Variants in PLPP3 observed in about 807,000 individuals in gnomAD.
PLPP3 encodes PAP2 beta.
Under a neutral mutation model 29.6 loss-of-function variants are expected in PLPP3, and 6 were observed. That is an observed-to-expected ratio of 0.20 (90% CI 0.11 to 0.40). The LOEUF (loss-of-function observed/expected upper bound fraction) is 0.40, where lower values mean the gene tolerates loss of function less well. Ranked by LOEUF, PLPP3 falls within the 10% of genes least tolerant of loss-of-function variation. PLPP3 has a pLI of 1.00. For synonymous variants in PLPP3, 152 were observed against 159.7 expected (o/e 0.95, Z 0.36); for missense variants, 308 against 407.7 (o/e 0.76, Z 2.11).
chr1:56,519,386 A>T (rs561236184), intron 4 of PLPP3, among the ~76,000 whole-genome samples: 1 of 152,340 alleles, frequency 6.6e-6, no homozygotes, highest in South Asian at 2.1e-4. Flanking sequence ...GGGACAATGT[A>T]TCAGACTATT....
intron 5 of PLPP3, among the ~76,000 whole-genome samples, chr1:56,499,376 C>A (rs921249958): frequency 6.6e-6 from 1 of 152,174 alleles, no homozygotes; most frequent in African/African-American, 2.4e-5. Flanking sequence ...GCTTATCGAC[C>A]TTTCTTCCTA....
chr1:56,529,943 G>A (rs771818152), intron 2 of PLPP3, among the ~76,000 whole-genome samples: 29 of 152,200 alleles, frequency 1.9e-4, no homozygotes, highest in Non-Finnish European at 3.5e-4. Context: ...TGGCTGCCCT[G>A]TGCCCACAAG....
rs961423260 is a variant in PLPP3, at chr1:56,544,766, T to G, written c.140-7654A>C. On this transcript the variant is annotated intron_variant, in intron 1 of 5. Transcript: ENST00000371250. ...TATGTCTATTCACATATTAGCAACC[T>G]AGAAAGTCAGCTACGAAACTCTTGA... Among the ~76,000 whole-genome samples, 12 of 152,158 alleles carry G rather than the reference T, an allele frequency of 7.9e-5. No individual in the cohort carries two copies. The South Asian group carries it at 1.9e-3, about 24-fold the overall frequency.
chr1:56,521,080 C>T (rs1163356529), intron 4 of PLPP3, among the ~76,000 whole-genome samples: 3 of 151,232 alleles, frequency 2.0e-5, no homozygotes, highest in African/African-American at 7.3e-5. Context: ...CAAAAAAATA[C>T]AAAAATTAGC....
At chr1:56,540,558 A>G (rs1335900272) in intron 1 of PLPP3, among the ~76,000 whole-genome samples, 1 of 152,112 alleles carries the variant, frequency 6.6e-6, no homozygotes, top group Non-Finnish European at 1.5e-5. Context: ...TGGCTTGGGG[A>G]GGGTTTCCGG....
intron 5 of PLPP3, among the ~76,000 whole-genome samples, chr1:56,503,871 C>A (rs575878704): frequency 1.3e-5 from 2 of 152,254 alleles, no homozygotes; most frequent in East Asian, 3.9e-4. Flanking sequence ...CCTCCACCTC[C>A]CCAGTCCAAG....
Position 56,524,229 on chromosome 1 carries a change from C to T in PLPP3, c.575+48G>A. ...GCTAGTAAGTGCTCACTGAACTGCA[C>T]TGTATGAAAGGGGTCCAGGCTCTGG... On this transcript the variant is annotated intron_variant, in intron 3 of 5. Coordinates refer to ENST00000371250, the MANE Select transcript of PLPP3 (RefSeq NM_003713.5). The surrounding 1 kb of genome is among the most constrained non-coding windows in gnomAD (Gnocchi z 4.3). 7 of 1,604,552 alleles carry T rather than the reference C, an allele frequency of 4.4e-6. No homozygotes were observed. Among genetic ancestry groups the T allele is most frequent in the Non-Finnish European group, 6.0e-6 (7 of 1,174,964 alleles).
At chr1:56,574,637 G>A (rs556826308) in intron 1 of PLPP3, among the ~76,000 whole-genome samples, 3 of 152,262 alleles carry the variant, frequency 2.0e-5, no homozygotes, top group Non-Finnish European at 4.4e-5. Context: ...GTAAATTTCA[G>A]GAAGCAGGTG....
intron 1 of PLPP3, among the ~76,000 whole-genome samples, chr1:56,572,053 T>TTTG (rs1646202373): frequency 7.4e-6 from 1 of 135,158 alleles, no homozygotes; most frequent in African/African-American, 2.7e-5. Context: ...GTTTTTTTTT[T>TTTG]TTTTTTTTTT....
intron 4 of PLPP3, among the ~76,000 whole-genome samples, chr1:56,515,188 G>T (rs1557500091): frequency 6.6e-6 from 1 of 152,262 alleles, no homozygotes; most frequent in East Asian, 1.9e-4. Flanking sequence ...GGTCCAGGTT[G>T]GTTGATAATG....
At chr1:56,543,836 A>G (rs2100274340) in intron 1 of PLPP3, among the ~76,000 whole-genome samples, 1 of 152,296 alleles carries the variant, frequency 6.6e-6, no homozygotes, top group African/African-American at 2.4e-5. Context: ...CCCTTTCTCC[A>G]CAAAAAGAAG....
At chr1:56,543,566 CAG>C (rs1392148073) in intron 1 of PLPP3, among the ~76,000 whole-genome samples, 3 of 152,286 alleles carry the variant, frequency 2.0e-5, no homozygotes, top group African/African-American at 4.8e-5. Context: ...TTGTAAGTGA[CAG>C]GGCTTCTATT....
intron 1 of PLPP3, among the ~76,000 whole-genome samples, chr1:56,565,422 C>CT (rs1001810186): frequency 1.9e-3 from 278 of 145,716 alleles, no homozygotes; most frequent in African/African-American, 5.1e-3. Context: ...AAAGTCCCTT[C>CT]TTTTTTTTTT....
chr1:56,576,953 A>C (rs1234302223), intron 1 of PLPP3, among the ~76,000 whole-genome samples: 1 of 152,180 alleles, frequency 6.6e-6, no homozygotes, highest in Non-Finnish European at 1.5e-5. Flanking sequence ...CACTTTCATA[A>C]GACACCATCT....
intron 1 of PLPP3, among the ~76,000 whole-genome samples, chr1:56,551,749 T>G (rs1181746445): frequency 6.6e-6 from 1 of 152,220 alleles, no homozygotes; most frequent in South Asian, 2.1e-4. Context: ...TCCAAAGAAA[T>G]GGTTTGATGC....
At chr1:56,555,433 TAAAAAAAAAAAA>T (rs66593221) in intron 1 of PLPP3, among the ~76,000 whole-genome samples, 1 of 33,216 alleles carries the variant, frequency 3.0e-5, no homozygotes, top group African/African-American at 1.6e-4. Context: ...GGCCAAACAC[TAAAAAAAAAAAA>T]AAAAAAAAAA....
intron 5 of PLPP3, among the ~76,000 whole-genome samples, chr1:56,501,038 T>C (rs1419803115): frequency 7.5e-6 from 1 of 134,180 alleles, no homozygotes; most frequent in African/African-American, 2.8e-5. Context: ...AAAAAAATCA[T>C]GTTGGTAACT....
intron 5 of PLPP3, among the ~76,000 whole-genome samples, chr1:56,497,681 A>G (rs1242806528): frequency 1.3e-5 from 2 of 152,334 alleles, no homozygotes; most frequent in East Asian, 3.9e-4. Context: ...TGTGCTCACT[A>G]CTAATGACAG....
At chr1:56,515,358 CT>C (rs1645774221) in intron 4 of PLPP3, among the ~76,000 whole-genome samples, 1 of 152,196 alleles carries the variant, frequency 6.6e-6, no homozygotes, top group Non-Finnish European at 1.5e-5. Flanking sequence ...ACCATTCCCC[CT>C]GCCCCTGCAT....
Sources: gnomAD v4.1 joint callset for allele counts (sites outside exome capture counted in the v4.1 genomes callset) on GRCh38, gnomAD v4.1.1 for gene constraint, Gnocchi (gnomAD v3.1) non-coding constraint, MANE v1.5 for transcripts, NCBI Gene and HGNC (gene_info 2026-07-23, HGNC 2026-07-21) for gene names.